PRKAG3: variants seen among roughly 807,000 people sequenced by gnomAD.
PRKAG3 encodes 5'-AMP-activated protein kinase subunit gamma-3.
Under a neutral mutation model 56.5 loss-of-function variants are expected in PRKAG3, and 39 were observed. The ratio of observed to expected loss-of-function variants is 0.69; its 90% CI spans 0.53 to 0.90. The LOEUF (loss-of-function observed/expected upper bound fraction) is 0.90. Ranked by LOEUF, PRKAG3 falls within the 40% of genes least tolerant of loss-of-function variation. The pLI, the probability that PRKAG3 is intolerant of heterozygous loss-of-function variation, is 0.00. For synonymous variants in PRKAG3, 243 were observed against 250.1 expected (o/e 0.97, Z 0.27); for missense variants, 628 against 627.5 (o/e 1.00, Z -0.01).
chr2:218,827,717 G>C lies in PRKAG3; in HGVS notation c.821-88C>G. On this transcript the variant is annotated intron_variant, in intron 7 of 12. Coordinates refer to ENST00000529249, the Ensembl canonical transcript of PRKAG3. The surrounding 1 kb of genome is among the most constrained non-coding windows in gnomAD (Gnocchi z 5.3). ...GCAGCTTCCCTTCCGTCAGGCACCC[G>C]AGGCTCCTATTGTCCCTCCCCTGTT... 6.4e-7 allele frequency: 1 copy of C among 1,565,980 alleles called. No individual in the cohort carries two copies.
Position 218,827,201 on chromosome 2 carries a change from C to CACCT in PRKAG3, c.1002+42_1002+45dup. On this transcript the variant is annotated intron_variant, in intron 9 of 12. Coordinates refer to ENST00000529249, the Ensembl canonical transcript of PRKAG3. This position sits in a 1 kb window ranked among gnomAD's most constrained non-coding sequence, Gnocchi z 5.3. ...CTGAAGACTCCTCAGGCCCTCTGAT[C>CACCT]ACCTGCCCAGGTCTCCCCCTTCCTC... 6.2e-7 allele frequency: 1 copy of CACCT among 1,613,882 alleles called. No homozygotes were observed. The highest frequency in any genetic ancestry group is 1.1e-5 in the South Asian group (1 of 90,984).
chr2:218,827,574 C>T lies in PRKAG3; in HGVS notation c.875+1G>A, dbSNP rs779069068. The T allele has an allele frequency of 2.5e-6, 4 of 1,613,406 alleles. No individual in the cohort carries two copies. In the East Asian group the frequency reaches 8.9e-5, roughly 36 times the overall value. On this transcript the variant is annotated splice_donor_variant, in intron 8 of 12. Coordinates refer to ENST00000529249, the Ensembl canonical transcript of PRKAG3. LOFTEE classifies it high-confidence loss of function. This position sits in a 1 kb window ranked among gnomAD's most constrained non-coding sequence, Gnocchi z 5.3. ...TCAGGTGAATGAGCAGAGACACCCA[C>T]CTATCATTAGGAGAGATGGAGACCA...
intron 5 of PRKAG3, 47 bp downstream of exon 5, chr2:218,828,472 C>G: frequency 1.3e-6 from 2 of 1,532,214 alleles, no homozygotes; most frequent in Non-Finnish European, 1.8e-6. Flanking sequence ...TACAAGATCT[C>G]CCCCTCACCT....
chr2:218,827,036 CGATGCCCAAATCTTG>C lies in PRKAG3; in HGVS notation c.1045_1059del (p.Gln349_Ile353del), dbSNP rs1943943541. 20 of 1,613,928 alleles carry C rather than the reference CGATGCCCAAATCTTG, an allele frequency of 1.2e-5. No homozygotes were observed. In the East Asian group the frequency reaches 4.5e-4, roughly 36 times the overall value. On this transcript the variant is annotated inframe_deletion, in exon 10 of 13. Coordinates refer to ENST00000529249, the Ensembl canonical transcript of PRKAG3. The surrounding 1 kb of genome is among the most constrained non-coding windows in gnomAD (Gnocchi z 5.3). ...ACCACAGCCAAGTCTCGGAATGTGC[CGATGCCCAAATCTTG>C]GATAGTGCGGTAGAGGAAGGAGGGC...
chr2:218,829,001 A>G (rs970898935), intron 4 of PRKAG3, among the ~76,000 whole-genome samples: 7 of 152,204 alleles, frequency 4.6e-5, no homozygotes, highest in Admixed American at 4.6e-4. Flanking sequence ...CTTTTTTTGT[A>G]GATAAATTTT....
intron 10 of PRKAG3, chr2:218,826,651 C>T (rs1418753802): frequency 6.8e-6 from 3 of 444,196 alleles, no homozygotes; most frequent in East Asian, 4.6e-5. Flanking sequence ...TGCTTCCTCT[C>T]GCTATGCCCA....
Position 218,827,618 on chromosome 2 carries a change from G to T in PRKAG3, c.832C>A (p.Gln278Lys). The stretch of plus-strand genomic sequence containing the variant: ...GAGACCAGAGGCTTGAAGCAGCCTT[G>T]CAGGTAGATCTCTGCAGAAAGAGCC... Residue 278 changes from glutamine to lysine, a missense_variant, in exon 8 of 13, where the codon CAA (glutamine) becomes AAA (lysine). Coordinates refer to ENST00000529249, the Ensembl canonical transcript of PRKAG3. This position sits in a 1 kb window ranked among gnomAD's most constrained non-coding sequence, Gnocchi z 5.3. The T allele has an allele frequency of 1.2e-6, 2 of 1,614,088 alleles. No homozygotes were observed. Among genetic ancestry groups the T allele is most frequent in the East Asian group, 2.2e-5 (1 of 44,884 alleles).
At chr2:218,831,308 G>A in intron 2 of PRKAG3, 28 bp downstream of exon 2, 1 of 1,555,372 alleles carries the variant, frequency 6.4e-7, no homozygotes, top group Non-Finnish European at 8.7e-7. Flanking sequence ...GAAGAGGTTA[G>A]GCCCCAGGGA....
In PRKAG3 at chr2:218,823,628, G is replaced by A; in HGVS notation, c.*134C>T. ...GGAAGACTAAGAGGCTGGTGTCATG[G>A]CCCAGGGCAGAGCCTACCTGAATCA... On this transcript the variant is annotated 3_prime_UTR_variant, in exon 13 of 13. Transcript: ENST00000529249. 6.4e-7 allele frequency: 1 copy of A among 1,571,690 alleles called. No individual in the cohort carries two copies.
In PRKAG3 at chr2:218,828,189, A is replaced by G. The variant is rs1943965569; in HGVS notation, c.716-127T>C. 3.2e-6 allele frequency: 3 copies of G among 945,386 alleles called. No individual in the cohort carries two copies. In the African/African-American group the frequency reaches 4.9e-5, roughly 16 times the overall value. 58.6% of individuals were successfully genotyped at this position (945,386 alleles called of 1,614,324 possible). A position where few individuals can be genotyped will look rare whatever the true frequency, so the allele number is the denominator to read the frequency against. On this transcript the variant is annotated intron_variant, in intron 5 of 12. Transcript: ENST00000529249. ...ACACAGTGGGGACTGTGGGAACAGG[A>G]CAGTGGGGCAGCCCCCCAGGCCTGA...
intron 3 of PRKAG3, 94 bp downstream of exon 3, chr2:218,830,652 T>TA: frequency 2.1e-6 from 3 of 1,455,002 alleles, no homozygotes; most frequent in South Asian, 1.3e-5. Flanking sequence ...AACTCTGTGT[T>TA]ATGGAGGGAC....
chr2:218,830,037 T>C, exon 4 of PRKAG3: 1 of 1,614,070 alleles, frequency 6.2e-7, no homozygotes, highest in Non-Finnish European at 8.5e-7. Context: ...TCGTAGCAGG[T>C]GTGCTCCTGC....
chr2:218,829,946 T>A (rs1285432376), intron 4 of PRKAG3, 32 bp downstream of exon 4: 3 of 1,599,870 alleles, frequency 1.9e-6, no homozygotes, highest in Non-Finnish European at 2.5e-6. Context: ...GGATGGAGAG[T>A]GAGTACAGGT....
chr2:218,823,707 C>T lies in PRKAG3; in HGVS notation c.*55G>A, dbSNP rs566026069. ...AAGATGAAGGCTGAGTTCTCCAGTT[C>T]CCTTCATTGGCTTCCAGGTGTGCAG... On this transcript the variant is annotated 3_prime_UTR_variant, in exon 13 of 13. Transcript: ENST00000529249. The T allele has an allele frequency of 1.4e-5, 22 of 1,611,632 alleles. No individual in the cohort carries two copies. In the Admixed American group the frequency reaches 3.7e-4, roughly 27 times the overall value.
At chr2:218,828,492 C>A in intron 5 of PRKAG3, 27 bp downstream of exon 5, 1 of 1,598,002 alleles carries the variant, frequency 6.3e-7, no homozygotes, top group Non-Finnish European at 8.6e-7. Context: ...TCCTCCATCT[C>A]CCTTCACCTC....
chr2:218,823,764 AG>A lies in PRKAG3; in HGVS notation c.1467del (p.Ter490GlufsTer4). 2 of 1,613,926 alleles carry A rather than the reference AG, an allele frequency of 1.2e-6. No individual in the cohort carries two copies. The highest frequency in any genetic ancestry group is 1.7e-6 in the Non-Finnish European group (2 of 1,179,972). On this transcript the variant is annotated frameshift_variant, in exon 13 of 13. Coordinates refer to ENST00000529249, the Ensembl canonical transcript of PRKAG3. LOFTEE classifies it high-confidence loss of function. ...TGGGATTGAGGACTCAGATCTTCTC[AG>A]GCCCCGAGGGCATCGATGCCAGCAG...
exon 12 of PRKAG3, chr2:218,824,264 G>A (rs201448081): frequency 1.2e-5 from 20 of 1,614,152 alleles, no homozygotes; most frequent in African/African-American, 5.3e-5. Context: ...CCAAGCTCTC[G>A]TGGGGCTGGC....
rs892526666 is a variant in PRKAG3, at chr2:218,828,672, G to A, written c.634-72C>T. ...CACCCCCCTCTCTGCCCCTCAGTGC[G>A]CACCTCCCATCTGCCTGCTGTCCCC... On this transcript the variant is annotated intron_variant, in intron 4 of 12. Coordinates refer to ENST00000529249, the Ensembl canonical transcript of PRKAG3. The A allele has an allele frequency of 1.5e-4, 203 of 1,332,560 alleles. No individual in the cohort carries two copies. In the East Asian group the frequency reaches 3.5e-3, roughly 23 times the overall value. 82.5% of individuals were successfully genotyped at this position (1,332,560 alleles called of 1,614,324 possible).
At position 218,827,008 on chromosome 2, in the gene PRKAG3, A is replaced by G. The variant is rs1167088423; in HGVS notation, c.1088T>C (p.Leu363Pro). 1 of 1,614,152 alleles carries G rather than the reference A, an allele frequency of 6.2e-7. No homozygotes were observed. The highest frequency in any genetic ancestry group is 2.2e-5 in the East Asian group (1 of 44,892). Residue 363 changes from leucine (L) to proline (P), a missense_variant, in exon 10 of 13, where the codon CTG becomes CCG. Coordinates refer to ENST00000529249, the Ensembl canonical transcript of PRKAG3. This position sits in a 1 kb window ranked among gnomAD's most constrained non-coding sequence, Gnocchi z 5.3. ...TGCAGTCAGGATGGGTGCTGTCTCC[A>G]GCACCACAGCCAAGTCTCGGAATGT...
Sources: allele counts gnomAD v4.1 joint callset (sites outside exome capture counted in the v4.1 genomes callset), GRCh38; gene constraint gnomAD v4.1.1; non-coding constraint Gnocchi (gnomAD v3.1); transcripts MANE v1.5; gene names NCBI Gene and HGNC (gene_info 2026-07-23, HGNC 2026-07-21).